NIBAN1: variants seen among roughly 807,000 people sequenced by gnomAD.
The protein encoded by NIBAN1 is niban apoptosis regulator 1.
NIBAN1 carries 81 observed loss-of-function variants against 75.1 expected under a neutral mutation model. The observed-to-expected ratio is 1.08, with a 90% CI of 0.90 to 1.30. The LOEUF is 1.30. Among genes scored for constraint, NIBAN1 ranks in the 50% most tolerant of loss-of-function variants. NIBAN1 has a pLI of 0.00. For missense variants in NIBAN1, 1,133 were observed against 1,128.1 expected, an observed-to-expected ratio of 1.00 and a Z score of -0.06; for synonymous variants, 436 against 424.8, an observed-to-expected ratio of 1.03 and a Z score of -0.32.
At chr1:184,932,619 G>T (rs1657854357) in intron 1 of NIBAN1, among the ~76,000 whole-genome samples, 2 of 152,172 alleles carry the variant, frequency 1.3e-5, no homozygotes, top group South Asian at 2.1e-4. Context: ...AGACGGTACT[G>T]GTCCATGGCC....
intron 1 of NIBAN1, among the ~76,000 whole-genome samples, chr1:184,913,564 G>A (rs1001563547): frequency 9.2e-5 from 14 of 152,154 alleles, no homozygotes; most frequent in Non-Finnish European, 2.1e-4. Flanking sequence ...GTAAATGGCA[G>A]TTACATATAA....
chr1:184,792,548 G>A lies in NIBAN1; in HGVS notation c.*2429C>T, dbSNP rs1653727190. On this transcript the variant is annotated 3_prime_UTR_variant, in exon 14 of 14. Coordinates refer to ENST00000367511, the MANE Select transcript of NIBAN1 (RefSeq NM_052966.4). ...GGAGTCGGGCAGCCTTTGTGGGGCT[G>A]GGCACTGCCTCTTTGGCTTCCTGCC... is the stretch of plus-strand genomic sequence containing the variant. The A allele has an allele frequency of 6.5e-6, 1 of 152,726 alleles. No homozygotes were observed. Among genetic ancestry groups the A allele is most frequent in the South Asian group, 2.1e-4 (1 of 4,834 alleles). The allele number at this position is 152,726 out of a possible 1,614,324, so 9.5% of individuals were successfully genotyped here.
At chr1:184,816,697 G>T (rs1391245929) in intron 9 of NIBAN1, among the ~76,000 whole-genome samples, 1 of 151,770 alleles carries the variant, frequency 6.6e-6, no homozygotes, top group African/African-American at 2.4e-5. Context: ...GCATAAGAAG[G>T]TACTCTCTAC....
intron 10 of NIBAN1, among the ~76,000 whole-genome samples, chr1:184,807,017 G>A (rs548624250): frequency 6.6e-6 from 1 of 152,172 alleles, no homozygotes; most frequent in East Asian, 1.9e-4. Context: ...TGATCCACCC[G>A]CCTCGGTCTC....
intron 1 of NIBAN1, among the ~76,000 whole-genome samples, chr1:184,904,176 G>A (rs182696370): frequency 1.0e-3 from 157 of 151,740 alleles, no homozygotes; most frequent in African/African-American, 3.7e-3. Context: ...GATTACAGGA[G>A]TGGATCACTG....
intron 5 of NIBAN1, among the ~76,000 whole-genome samples, chr1:184,871,816 T>C (rs1656116401): frequency 6.6e-6 from 1 of 152,192 alleles, no homozygotes; most frequent in South Asian, 2.1e-4. Flanking sequence ...AGGAAAATTG[T>C]CTGTCTCAAA....
intron 1 of NIBAN1, among the ~76,000 whole-genome samples, chr1:184,909,368 T>A (rs1657182932): frequency 1.3e-5 from 2 of 152,220 alleles, no homozygotes; most frequent in Non-Finnish European, 2.9e-5. Context: ...TTGAAATGCT[T>A]GCTTTATATT....
At chr1:184,908,428 A>C (rs1657158201) in intron 1 of NIBAN1, among the ~76,000 whole-genome samples, 1 of 152,196 alleles carries the variant, frequency 6.6e-6, no homozygotes, top group African/African-American at 2.4e-5. Context: ...AAATGGGAGA[A>C]GATGGACAGA....
At chr1:184,937,651 G>A (rs866605284) in intron 1 of NIBAN1, among the ~76,000 whole-genome samples, 16 of 152,286 alleles carry the variant, frequency 1.1e-4, no homozygotes, top group South Asian at 2.1e-4. Context: ...GACAAACGTC[G>A]TAACAAAATA....
intron 1 of NIBAN1, among the ~76,000 whole-genome samples, chr1:184,943,943 G>A (rs1476515877): frequency 6.6e-6 from 1 of 152,128 alleles, no homozygotes; most frequent in Non-Finnish European, 1.5e-5. Context: ...CAAAAACAGG[G>A]TAAGATGGAT....
chr1:184,863,640 T>G (rs1434653731), intron 5 of NIBAN1, among the ~76,000 whole-genome samples: 4 of 152,176 alleles, frequency 2.6e-5, no homozygotes, highest in Admixed American at 2.6e-4. Flanking sequence ...CAAAAGATAT[T>G]TGAAGATTTT....
intron 9 of NIBAN1, among the ~76,000 whole-genome samples, chr1:184,816,607 A>G (rs1158213855): frequency 6.6e-6 from 1 of 152,220 alleles, no homozygotes; most frequent in Non-Finnish European, 1.5e-5. Flanking sequence ...ATGTGACATA[A>G]TCAAGCTAGG....
chr1:184,869,351 C>T (rs1183697989), intron 5 of NIBAN1, among the ~76,000 whole-genome samples: 1 of 152,142 alleles, frequency 6.6e-6, no homozygotes, highest in Non-Finnish European at 1.5e-5. Flanking sequence ...GAAAGGGTCA[C>T]ACTGGAAATG....
chr1:184,811,730 G>T lies in NIBAN1; in HGVS notation c.1174-3495C>A, dbSNP rs575927017. 4.6e-5 allele frequency among the ~76,000 whole-genome samples: 7 copies of T among 152,022 alleles called. No homozygotes were observed. The East Asian group carries it at 7.8e-4, about 17-fold the overall frequency. On this transcript the variant is annotated intron_variant, in intron 9 of 13. Transcript: ENST00000367511. ...GATGGTCTCGATTTCCCGACCTCAC[G>T]ATCCGCCCGCCTCGGCCTCCCAAAG...
At chr1:184,824,691 AT>A (rs1003568830) in intron 6 of NIBAN1, among the ~76,000 whole-genome samples, 30 of 151,514 alleles carry the variant, frequency 2.0e-4, no homozygotes, top group East Asian at 7.7e-4. Context: ...TGGAAATACT[AT>A]TTTTTTTTAA....
rs753305586 is a variant in NIBAN1 at position 184,884,627 on chromosome 1, C to T, written c.601+6G>A. The T allele has an allele frequency of 1.2e-6, 2 of 1,613,908 alleles. No individual in the cohort carries two copies. The highest frequency in any genetic ancestry group is 8.5e-7 in the Non-Finnish European group (1 of 1,179,868). ...CCCCGGGGATGAGAGGGGAGCCGCGCCATACCATGATTGAGATGCCTGACG... is the reference window on the plus strand; with the variant it reads ...CCCCGGGGATGAGAGGGGAGCCGCGTCATACCATGATTGAGATGCCTGACG... On this transcript the variant is annotated splice_donor_region_variant and intron_variant, in intron 5 of 13. Coordinates refer to ENST00000367511, the MANE Select transcript of NIBAN1 (RefSeq NM_052966.4).
At chr1:184,902,514 G>A (rs1034511002) in intron 1 of NIBAN1, among the ~76,000 whole-genome samples, 5 of 152,198 alleles carry the variant, frequency 3.3e-5, no homozygotes, top group East Asian at 1.9e-4. Context: ...GGTGATGTGG[G>A]TGTCCCTTAG....
intron 1 of NIBAN1, among the ~76,000 whole-genome samples, chr1:184,923,500 T>G (rs111318902): frequency 0.045 from 6,923 of 152,308 alleles, 165 homozygotes; most frequent in Non-Finnish European, 0.053. Context: ...GGTAATGTGA[T>G]TCCTCCAGTT....
intron 5 of NIBAN1, among the ~76,000 whole-genome samples, chr1:184,859,539 T>C (rs906919354): frequency 7.9e-5 from 12 of 152,292 alleles, no homozygotes; most frequent in African/African-American, 2.9e-4. Flanking sequence ...GTTTGATCTG[T>C]ATTTCCCCAG....
Sources: allele counts gnomAD v4.1 joint callset (sites outside exome capture counted in the v4.1 genomes callset), GRCh38; gene constraint gnomAD v4.1.1; transcripts MANE v1.5; gene names NCBI Gene and HGNC (gene_info 2026-07-23, HGNC 2026-07-21).